Variants in ORC4 observed in about 807,000 individuals in gnomAD.
ORC4 encodes the protein origin recognition complex subunit 4, also known as origin recognition complex, subunit 4 homolog.
A neutral mutation model predicts 63.9 loss-of-function variants in ORC4; 55 were observed. The observed-to-expected ratio is 0.86, with a 90% confidence interval of 0.69 to 1.08. The LOEUF (loss-of-function observed/expected upper bound fraction) is 1.08, where lower values mean the gene tolerates loss of function less well. ORC4 is among the 50% of genes least tolerant of loss of function. ORC4 has a pLI of 0.00. For synonymous variants in ORC4, 150 were observed against 168.5 expected (o/e 0.89, Z 0.85); for missense variants, 511 against 504.4 (o/e 1.01, Z -0.13).
chr2:147,991,662 C>G (rs1310073465), intron 1 of ORC4, among the ~76,000 whole-genome samples: 1 of 151,986 alleles, frequency 6.6e-6, no homozygotes, highest in Non-Finnish European at 1.5e-5. Flanking sequence ...AACCCCGTCT[C>G]TACTAAAAAT....
At chr2:147,988,547 G>A (rs1439446675) in intron 1 of ORC4, among the ~76,000 whole-genome samples, 2 of 151,596 alleles carry the variant, frequency 1.3e-5, no homozygotes, top group African/African-American at 4.9e-5. Flanking sequence ...TAGTAGAGAT[G>A]GGGGTTTCAC....
chr2:147,969,844 A>G (rs1447287112), intron 4 of ORC4, among the ~76,000 whole-genome samples: 1 of 152,082 alleles, frequency 6.6e-6, no homozygotes, highest in African/African-American at 2.4e-5. Flanking sequence ...ACTGTTAGAC[A>G]TAGTCTATGA....
At chr2:147,953,582 GA>G (rs1689084067) in intron 7 of ORC4, among the ~76,000 whole-genome samples, 1 of 152,100 alleles carries the variant, frequency 6.6e-6, no homozygotes, top group Admixed American at 6.6e-5. Context: ...ATTTCTTGTA[GA>G]AATACTTTTT....
At chr2:148,021,486 G>GCTGCTGCTGCTA (rs1173593818), upstream of ORC4, 3 of 577,044 alleles carry the variant, frequency 5.2e-6, no homozygotes, top group Admixed American at 6.5e-5. Context: ...TGCTGTTGCT[G>GCTGCTGCTGCTA]CTGCTGCTGC....
upstream of ORC4, chr2:148,021,463 T>TTGCTGCTGCTGCTGC: frequency 1.7e-6 from 1 of 573,876 alleles, no homozygotes; most frequent in Admixed American, 2.2e-5. Flanking sequence ...GCTGCTGCTG[T>TTGCTGCTGCTGCTGC]TGCTGCTGCT....
At chr2:147,972,055 C>T (rs1292006158) in intron 4 of ORC4, among the ~76,000 whole-genome samples, 2 of 152,010 alleles carry the variant, frequency 1.3e-5, no homozygotes, top group Admixed American at 1.3e-4. Flanking sequence ...TTTACACAGA[C>T]TACTTAGCAT....
At chr2:148,008,092 T>C (rs17218861) in intron 1 of ORC4, among the ~76,000 whole-genome samples, 1,843 of 152,298 alleles carry the variant, frequency 0.012, 43 homozygotes, top group African/African-American at 0.042. Flanking sequence ...AAGACTCTCC[T>C]AGACTAATAA....
intron 4 of ORC4, chr2:147,960,466 T>C: frequency 1.7e-6 from 1 of 573,524 alleles, no homozygotes; most frequent in Non-Finnish European, 2.2e-6. Context: ...ACACTAAAAA[T>C]ATTTAGTTGG....
intron 10 of ORC4, 81 bp from the exon 11 acceptor site, chr2:147,939,329 A>G (rs1688238657): frequency 1.2e-6 from 1 of 826,190 alleles, no homozygotes; most frequent in Non-Finnish European, 2.1e-6. Context: ...CTGAATTTGT[A>G]TAGTTAATTC....
rs758187253 is a variant in ORC4 at position 147,932,160 on chromosome 2, AACAG to A, written c.*3346_*3349del. 2 of 148,934 alleles carry A rather than the reference AACAG, an allele frequency of 1.3e-5. No individual in the cohort carries two copies. Among genetic ancestry groups the A allele is most frequent in the African/African-American group, 4.9e-5 (2 of 40,754 alleles). 9.2% of individuals were successfully genotyped at this position (148,934 alleles called of 1,614,324 possible). ...ATCACAAGCATTCTTATACACCAAC[AACAG>A]ACAAACAGAGAGCCAAATCATGAGT... is the stretch of plus-strand genomic sequence containing the variant. On this transcript the variant is annotated 3_prime_UTR_variant, in exon 14 of 14. Coordinates refer to ENST00000392857, the MANE Select transcript of ORC4 (RefSeq NM_181741.4).
chr2:147,987,452 A>G (rs1298589039), intron 1 of ORC4, among the ~76,000 whole-genome samples: 2 of 151,126 alleles, frequency 1.3e-5, no homozygotes, highest in Admixed American at 6.6e-5. Flanking sequence ...TACAGCTACC[A>G]TAAGGTAAAA....
At chr2:148,003,628 T>C (rs192148030) in intron 1 of ORC4, among the ~76,000 whole-genome samples, 74 of 152,284 alleles carry the variant, frequency 4.9e-4, no homozygotes, top group African/African-American at 1.7e-3. Flanking sequence ...ATAAGAGCTA[T>C]TTATGACAAA....
At chr2:147,973,084 A>T (rs1050367866) in intron 3 of ORC4, among the ~76,000 whole-genome samples, 1 of 152,162 alleles carries the variant, frequency 6.6e-6, no homozygotes, top group African/African-American at 2.4e-5. Flanking sequence ...AGTAGGGGAC[A>T]AGGGACAATA....
chr2:147,955,041 G>A (rs1233752503), intron 7 of ORC4, among the ~76,000 whole-genome samples: 1 of 151,888 alleles, frequency 6.6e-6, no homozygotes, highest in Admixed American at 6.6e-5. Flanking sequence ...AAATGATGAT[G>A]CAGATCAAAA....
At chr2:147,969,606 T>C (rs973864663) in intron 4 of ORC4, among the ~76,000 whole-genome samples, 4 of 151,844 alleles carry the variant, frequency 2.6e-5, no homozygotes, top group Admixed American at 2.0e-4. Flanking sequence ...ATTGGCCATA[T>C]GACAGAATGC....
At chr2:147,947,433 T>C (rs1473516742) in intron 9 of ORC4, among the ~76,000 whole-genome samples, 2 of 152,080 alleles carry the variant, frequency 1.3e-5, no homozygotes, top group South Asian at 2.1e-4. Context: ...TGCTAGTGTG[T>C]TGAGAATATT....
At chr2:147,967,971 T>G (rs1206172921) in intron 4 of ORC4, among the ~76,000 whole-genome samples, 1 of 151,872 alleles carries the variant, frequency 6.6e-6, no homozygotes, top group Non-Finnish European at 1.5e-5. Flanking sequence ...TAGAACAGAA[T>G]AGAGAACCCA....
In ORC4 at chr2:147,968,203, ATAGGGG is replaced by A. The variant is rs1190926323; in HGVS notation, c.225+4530_225+4535del. Among the ~76,000 whole-genome samples the A allele has an allele frequency of 2.1e-4, 32 of 152,190 alleles. No individual in the cohort carries two copies. In the East Asian group the frequency reaches 5.0e-3, roughly 24 times the overall value. ...AACTATAAAACTACTAGAAGAAAAC[ATAGGGG>A]TAATACTTCAGGACACTAGTCTAGG... On this transcript the variant is annotated intron_variant, in intron 4 of 13. Transcript: ENST00000392857.
At chr2:147,961,133 T>C (rs1447512203) in intron 4 of ORC4, among the ~76,000 whole-genome samples, 1 of 152,018 alleles carries the variant, frequency 6.6e-6, no homozygotes, top group Non-Finnish European at 1.5e-5. Flanking sequence ...TTTTAAAATT[T>C]GAATTTATAT....
Sources: allele counts gnomAD v4.1 joint callset (sites outside exome capture counted in the v4.1 genomes callset), GRCh38; gene constraint gnomAD v4.1.1; transcripts MANE v1.5; gene names NCBI Gene and HGNC (gene_info 2026-07-23, HGNC 2026-07-21).